Variants in LDLRAD4 observed in about 807,000 individuals in gnomAD.
LDLRAD4 encodes low density lipoprotein receptor class A domain containing 4.
LDLRAD4 carries 5 observed loss-of-function variants against 17.0 expected under a neutral mutation model. The observed-to-expected ratio is 0.29, with a 90% CI of 0.15 to 0.62. The LOEUF (loss-of-function observed/expected upper bound fraction) is 0.62, where lower values mean the gene tolerates loss of function less well. Ranked by LOEUF, LDLRAD4 falls within the 20% of genes least tolerant of loss-of-function variation. LDLRAD4 has a pLI of 0.84. For synonymous variants in LDLRAD4, 168 were observed against 171.8 expected (o/e 0.98, Z 0.17); for missense variants, 340 against 424.7 (o/e 0.80, Z 1.75).
chr18:13,354,972 T>G (rs2083252671), intron 1 of LDLRAD4, among the ~76,000 whole-genome samples: 2 of 152,080 alleles, frequency 1.3e-5, no homozygotes, highest in South Asian at 4.2e-4. Flanking sequence ...CCAATTTGAT[T>G]TAATTGGATG....
chr18:13,613,312 G>C (rs1420654187), intron 3 of LDLRAD4: 4 of 152,546 alleles, frequency 2.6e-5, no homozygotes, highest in Non-Finnish European at 4.4e-5. Context: ...TGTGGGATGA[G>C]AGCCTCAGAA....
chr18:13,319,761 C>A (rs913132165), intron 1 of LDLRAD4, among the ~76,000 whole-genome samples: 29 of 152,082 alleles, frequency 1.9e-4, no homozygotes, highest in Admixed American at 1.7e-3. Flanking sequence ...ATGGCAAAAA[C>A]CATGAAAAGG....
At chr18:13,264,227 G>A (rs1598984728) in intron 1 of LDLRAD4, among the ~76,000 whole-genome samples, 1 of 152,222 alleles carries the variant, frequency 6.6e-6, no homozygotes, top group Non-Finnish European at 1.5e-5. Context: ...GCTAGGATGG[G>A]TCCTTTGAGG....
chr18:13,481,438 C>A (rs2093080650), intron 3 of LDLRAD4, among the ~76,000 whole-genome samples: 1 of 152,184 alleles, frequency 6.6e-6, no homozygotes, highest in African/African-American at 2.4e-5. Flanking sequence ...TGTGGCTTGA[C>A]GCTGACTGCT....
At chr18:13,545,778 A>G (rs1263490224) in intron 3 of LDLRAD4, among the ~76,000 whole-genome samples, 1 of 152,204 alleles carries the variant, frequency 6.6e-6, no homozygotes, top group Non-Finnish European at 1.5e-5. Flanking sequence ...TGCACAGGTC[A>G]CAGTGGGGTG....
chr18:13,360,566 C>T (rs539756959), intron 1 of LDLRAD4, among the ~76,000 whole-genome samples: 138 of 152,322 alleles, frequency 9.1e-4, no homozygotes, highest in African/African-American at 3.2e-3. Context: ...CAATAATAAC[C>T]ATGGATAGTC....
At chr18:13,462,064 C>T (rs1409577516) in intron 3 of LDLRAD4, 1 of 152,158 alleles carries the variant, frequency 6.6e-6, no homozygotes, top group Non-Finnish European at 1.5e-5. Context: ...TCTCCTGCCT[C>T]ATGGGGTCAC....
intron 3 of LDLRAD4, among the ~76,000 whole-genome samples, chr18:13,586,460 C>T (rs1388352488): frequency 1.4e-5 from 2 of 145,248 alleles, no homozygotes; most frequent in Non-Finnish European, 3.0e-5. Context: ...CTCTGAGTCA[C>T]AGCTACCATT....
chr18:13,314,677 C>T (rs1207784373), intron 1 of LDLRAD4, among the ~76,000 whole-genome samples: 1 of 152,144 alleles, frequency 6.6e-6, no homozygotes, highest in Non-Finnish European at 1.5e-5. Context: ...AAGTGGTGTC[C>T]AGAAAACTAG....
chr18:13,611,546 C>T, intron 3 of LDLRAD4: 1 of 985,366 alleles, frequency 1.0e-6, no homozygotes, highest in Non-Finnish European at 1.2e-6. Flanking sequence ...GGAAAAGAGA[C>T]TGTGCTTGAA....
At chr18:13,268,332 A>G (rs891838197) in intron 1 of LDLRAD4, among the ~76,000 whole-genome samples, 49 of 151,922 alleles carry the variant, frequency 3.2e-4, no homozygotes, top group African/African-American at 1.2e-3. Flanking sequence ...CTAGTGGGAG[A>G]TGGTTTCATC....
At chr18:13,338,541 C>T (rs76762713) in intron 1 of LDLRAD4, among the ~76,000 whole-genome samples, 2 of 152,336 alleles carry the variant, frequency 1.3e-5, no homozygotes, top group African/African-American at 2.4e-5. Context: ...GTTACTATCA[C>T]ACATATGTTT....
intron 3 of LDLRAD4, among the ~76,000 whole-genome samples, chr18:13,525,262 A>G (rs1292457050): frequency 1.3e-5 from 2 of 152,238 alleles, no homozygotes. Context: ...TTTGTAAAAT[A>G]GAGACACTGA....
At position 13,608,634 on chromosome 18, in the gene LDLRAD4, C is replaced by G. The variant is rs528634945; in HGVS notation, c.182-12483C>G. 1.8e-4 allele frequency among the ~76,000 whole-genome samples: 27 copies of G among 152,284 alleles called. 1 individual carries two copies. Among genetic ancestry groups the G allele is most frequent in the Admixed American group, 5.2e-4 (8 of 15,304 alleles). On this transcript the variant is annotated intron_variant, in intron 3 of 5. Coordinates refer to ENST00000359446, the Ensembl canonical transcript of LDLRAD4. ...GCTGCCTCTTTTTGGCCATTCAGGA[C>G]AGCAAGGTTCCAGCCACCTTAGCTT...
At chr18:13,405,945 A>T (rs1050677619) in intron 2 of LDLRAD4, among the ~76,000 whole-genome samples, 2 of 152,198 alleles carry the variant, frequency 1.3e-5, no homozygotes, top group African/African-American at 4.8e-5. Flanking sequence ...TGTGAGAGAC[A>T]ATTCCTTCCT....
intron 2 of LDLRAD4, among the ~76,000 whole-genome samples, chr18:13,396,643 C>A (rs985987473): frequency 6.6e-6 from 1 of 152,124 alleles, no homozygotes. Context: ...GCCACCACAT[C>A]TGGCTAATTG....
intron 3 of LDLRAD4, among the ~76,000 whole-genome samples, chr18:13,546,912 C>T (rs1003028221): frequency 4.6e-5 from 7 of 152,232 alleles, no homozygotes; most frequent in African/African-American, 1.7e-4. Flanking sequence ...GGGGGTTTCA[C>T]TGATCTCCCT....
At chr18:13,480,317 T>G (rs2093051722) in intron 3 of LDLRAD4, among the ~76,000 whole-genome samples, 3 of 152,322 alleles carry the variant, frequency 2.0e-5, no homozygotes, top group Non-Finnish European at 4.4e-5. Context: ...GAAGCCAGTC[T>G]GAAAGCTACG....
chr18:13,222,237 G>A (rs1357454591), intron 1 of LDLRAD4, among the ~76,000 whole-genome samples: 2 of 151,974 alleles, frequency 1.3e-5, no homozygotes, highest in Non-Finnish European at 2.9e-5. Context: ...AAAATGTCGA[G>A]CTGTTCAGGG....
Sources: allele counts gnomAD v4.1 joint callset (sites outside exome capture counted in the v4.1 genomes callset), GRCh38; gene constraint gnomAD v4.1.1; transcripts MANE v1.5; gene names NCBI Gene and HGNC (gene_info 2026-07-23, HGNC 2026-07-21).